The following NTM variants were observed in gnomAD, a reference collection of about 807,000 sequenced individuals.
NTM encodes the protein IgLON family member 2.
NTM carries 13 observed loss-of-function variants against 42.1 expected under a neutral mutation model. The ratio of observed to expected loss-of-function variants is 0.31; its 90% CI spans 0.20 to 0.49. The LOEUF is 0.49. Among genes scored for constraint, NTM ranks in the 20% least tolerant of loss-of-function variants. NTM has a pLI of 0.99. For synonymous variants in NTM, 187 were observed against 179.2 expected, an observed-to-expected ratio of 1.04 and a Z score of -0.35; for missense variants, 373 against 452.8, an observed-to-expected ratio of 0.82 and a Z score of 1.60.
intron 2 of NTM, among the ~76,000 whole-genome samples, chr11:132,044,064 G>T (rs1276958542): frequency 3.1e-5 from 3 of 96,124 alleles, no homozygotes; most frequent in Non-Finnish European, 8.6e-5. Context: ...GTGTATGTGT[G>T]TGTATGTGTA....
intron 1 of NTM, among the ~76,000 whole-genome samples, chr11:131,611,652 C>T (rs1416910403): frequency 6.6e-6 from 1 of 152,158 alleles, no homozygotes; most frequent in African/African-American, 2.4e-5. Context: ...CAAGGAACTG[C>T]AGCTAGAAGC....
At chr11:131,443,002 T>A (rs1212552809) in intron 1 of NTM, among the ~76,000 whole-genome samples, 1 of 152,116 alleles carries the variant, frequency 6.6e-6, no homozygotes, top group Middle Eastern at 3.2e-3. Context: ...TGCCCAGTAG[T>A]GGGAATGCTG....
intron 1 of NTM, among the ~76,000 whole-genome samples, chr11:131,628,685 G>A (rs572808648): frequency 1.2e-4 from 18 of 152,346 alleles, no homozygotes; most frequent in Non-Finnish European, 1.3e-4. Context: ...CTTCTTACCT[G>A]TCAGGAGTAT....
At chr11:131,876,040 G>A (rs1007426313) in intron 1 of NTM, among the ~76,000 whole-genome samples, 8 of 152,302 alleles carry the variant, frequency 5.3e-5, no homozygotes, top group South Asian at 2.1e-4. Flanking sequence ...CCAGCAAAGC[G>A]ATTTCCGTGA....
At chr11:131,601,223 G>A (rs1234707286) in intron 1 of NTM, among the ~76,000 whole-genome samples, 5 of 152,184 alleles carry the variant, frequency 3.3e-5, no homozygotes, top group Non-Finnish European at 7.3e-5. Flanking sequence ...GCATACAGAT[G>A]GACAGTGGTG....
chr11:131,803,275 T>G (rs1380007884), intron 1 of NTM, among the ~76,000 whole-genome samples: 1 of 151,946 alleles, frequency 6.6e-6, no homozygotes, highest in Non-Finnish European at 1.5e-5. Flanking sequence ...TCTCTTGAAG[T>G]TTGTCACTAA....
chr11:131,955,318 T>G (rs1488771737), intron 2 of NTM, among the ~76,000 whole-genome samples: 4 of 152,218 alleles, frequency 2.6e-5, no homozygotes, highest in East Asian at 1.9e-4. Flanking sequence ...AGTTTGAAAT[T>G]TTCCCCAGAT....
At chr11:132,258,678 G>A (rs541043584) in intron 4 of NTM, among the ~76,000 whole-genome samples, 16 of 152,310 alleles carry the variant, frequency 1.1e-4, no homozygotes, top group African/African-American at 3.6e-4. Flanking sequence ...TAGACCTAGG[G>A]CCACAGTGTC....
At chr11:132,205,220 T>A (rs898356838) in intron 3 of NTM, among the ~76,000 whole-genome samples, 1 of 152,184 alleles carries the variant, frequency 6.6e-6, no homozygotes, top group Non-Finnish European at 1.5e-5. Flanking sequence ...TAGATCTGCA[T>A]GCGCCGTGCA....
At chr11:131,760,803 G>A (rs2084046055) in intron 1 of NTM, among the ~76,000 whole-genome samples, 1 of 152,194 alleles carries the variant, frequency 6.6e-6, no homozygotes, top group African/African-American at 2.4e-5. Flanking sequence ...GAAACCTGCG[G>A]AGGGAGCTAA....
rs192419025 is a variant in NTM at position 132,040,548 on chromosome 11, A to C, written c.168-105734A>C. On this transcript the variant is annotated intron_variant, in intron 2 of 8. Transcript: ENST00000683400. ...ATGACAAAAAATGTTGGCAATATTG[A>C]TATGAACAAATAATTAATCCCAGGT... Among the ~76,000 whole-genome samples the C allele has an allele frequency of 1.7e-3, 252 of 152,316 alleles. 1 individual carries two copies. The highest frequency in any genetic ancestry group is 4.4e-3 in the Admixed American group (68 of 15,300).
intron 4 of NTM, among the ~76,000 whole-genome samples, chr11:132,217,358 C>CTGTG (rs375759515): frequency 0.11 from 15,151 of 142,536 alleles, 899 homozygotes; most frequent in East Asian, 0.17. Flanking sequence ...CTCTCTCTTT[C>CTGTG]TGTGTGTGTG....
chr11:132,179,037 G>C lies in NTM; in HGVS notation c.400+32523G>C, dbSNP rs1408266829. 2.0e-5 allele frequency among the ~76,000 whole-genome samples: 3 copies of C among 152,036 alleles called. No homozygotes were observed. In the East Asian group the frequency reaches 5.8e-4, roughly 29 times the overall value. On this transcript the variant is annotated intron_variant, in intron 3 of 8. Coordinates refer to ENST00000683400, the MANE Select transcript of NTM (RefSeq NM_001352005.2). ...TTTTCCGTTCATTTATTGAGTACCT[G>C]CTATGGTTTCAGGCACTCTATACTG...
intron 3 of NTM, among the ~76,000 whole-genome samples, chr11:132,160,194 G>A (rs1039212021): frequency 5.3e-5 from 8 of 152,210 alleles, no homozygotes; most frequent in Admixed American, 6.5e-5. Flanking sequence ...GGGACTGGCA[G>A]TAGAATAGTC....
intron 4 of NTM, among the ~76,000 whole-genome samples, chr11:132,261,133 G>A (rs542859250): frequency 6.6e-6 from 1 of 152,308 alleles, no homozygotes; most frequent in South Asian, 2.1e-4. Context: ...CACTAACCCA[G>A]TGTCTTCTTC....
At chr11:131,785,967 C>T (rs2089121454) in intron 1 of NTM, among the ~76,000 whole-genome samples, 1 of 152,078 alleles carries the variant, frequency 6.6e-6, no homozygotes, top group Non-Finnish European at 1.5e-5. Flanking sequence ...TGGCCATATG[C>T]TTTAGATACC....
chr11:132,153,559 T>C (rs80304994), intron 3 of NTM, among the ~76,000 whole-genome samples: 1 of 152,310 alleles, frequency 6.6e-6, no homozygotes, highest in East Asian at 1.9e-4. Context: ...CTGACTTGGA[T>C]GCCATCACTG....
At chr11:131,692,379 T>C (rs1227610232) in intron 1 of NTM, among the ~76,000 whole-genome samples, 1 of 152,026 alleles carries the variant, frequency 6.6e-6, no homozygotes, top group African/African-American at 2.4e-5. Context: ...TGAGTGATGC[T>C]GACACAGGGC....
At chr11:131,523,373 A>G (rs1396099454) in intron 1 of NTM, among the ~76,000 whole-genome samples, 1 of 152,240 alleles carries the variant, frequency 6.6e-6, no homozygotes, top group Non-Finnish European at 1.5e-5. Context: ...ATAACAGCTA[A>G]ACTTCAAGAC....
Sources: allele counts gnomAD v4.1 joint callset (sites outside exome capture counted in the v4.1 genomes callset), GRCh38; gene constraint gnomAD v4.1.1; transcripts MANE v1.5; gene names NCBI Gene and HGNC (gene_info 2026-07-23, HGNC 2026-07-21).